The following PPP3R1 variants were observed in gnomAD, a reference collection of about 807,000 sequenced individuals.
The protein encoded by PPP3R1 is calcineurin subunit B type 1.
In PPP3R1, 5 loss-of-function variants were observed where a neutral mutation model predicts 22.6. The observed-to-expected ratio is 0.22, with a 90% CI of 0.12 to 0.46. PPP3R1 has a LOEUF of 0.46. Among genes scored for constraint, PPP3R1 ranks in the 20% least tolerant of loss-of-function variants. PPP3R1 has a pLI of 0.99. For synonymous variants in PPP3R1, 56 were observed against 65.2 expected, an observed-to-expected ratio of 0.86 and a Z score of 0.68; for missense variants, 61 against 203.2, an observed-to-expected ratio of 0.30 and a Z score of 4.25.
chr2:68,205,980 G>A (rs779569624), intron 2 of PPP3R1, among the ~76,000 whole-genome samples: 3 of 151,964 alleles, frequency 2.0e-5, no homozygotes, highest in Non-Finnish European at 2.9e-5. Flanking sequence ...CACCACACTC[G>A]GCTAATTTTG....
intron 2 of PPP3R1, among the ~76,000 whole-genome samples, chr2:68,196,706 G>T (rs1408443616): frequency 2.0e-5 from 3 of 151,900 alleles, no homozygotes; most frequent in African/African-American, 7.3e-5. Flanking sequence ...ACCAACAAAA[G>T]AAGTATCACA....
rs775168479 is a variant in PPP3R1, at chr2:68,180,918, A to G, written c.*45T>C. 31 of 1,550,350 alleles carry G rather than the reference A, an allele frequency of 2.0e-5. No individual in the cohort carries two copies. Among genetic ancestry groups the G allele is most frequent in the South Asian group, 1.1e-5 (1 of 89,338 alleles). On this transcript the variant is annotated 3_prime_UTR_variant, in exon 6 of 6. Coordinates refer to ENST00000234310, the MANE Select transcript of PPP3R1 (RefSeq NM_000945.4). The stretch of plus-strand genomic sequence containing the variant: ...GGACGTCTTGAGCAGATCTTCAGAG[A>G]TGGAGAAGAAAGCAAAAGTGTTGGG...
chr2:68,194,821 T>C (rs1337467207), intron 2 of PPP3R1, among the ~76,000 whole-genome samples: 1 of 152,128 alleles, frequency 6.6e-6, no homozygotes, highest in Non-Finnish European at 1.5e-5. Context: ...AATAATTGTA[T>C]AGTAGAAAAA....
intron 1 of PPP3R1, among the ~76,000 whole-genome samples, chr2:68,244,865 T>C (rs1045916923): frequency 1.3e-5 from 2 of 152,202 alleles, no homozygotes; most frequent in African/African-American, 4.8e-5. Flanking sequence ...ATCTACCATA[T>C]ACCAAGTATC....
rs756977986 is a variant in PPP3R1, at chr2:68,252,115, A to T, written c.3+10T>A. 4 of 1,435,438 alleles carry T rather than the reference A, an allele frequency of 2.8e-6. No individual in the cohort carries two copies. In the South Asian group the frequency reaches 5.3e-5, roughly 19 times the overall value. The allele number at this position is 1,435,438 out of a possible 1,614,324, so 88.9% of individuals were successfully genotyped here. A position where few individuals can be genotyped will look rare whatever the true frequency, so the allele number is the denominator to read the frequency against. ...GGAGGGATGGTGCATCGAGGAAGCCAAGGTCTCACCATTTTGCTCGGCGGG... is the reference window on the plus strand; with the variant it reads ...GGAGGGATGGTGCATCGAGGAAGCCTAGGTCTCACCATTTTGCTCGGCGGG... On this transcript the variant is annotated intron_variant, in intron 1 of 5. Transcript: ENST00000234310.
At chr2:68,210,007 C>A (rs1162317070) in intron 2 of PPP3R1, among the ~76,000 whole-genome samples, 2 of 152,054 alleles carry the variant, frequency 1.3e-5, no homozygotes, top group Non-Finnish European at 2.9e-5. Context: ...ACATAATGAG[C>A]AATGGGGAAA....
intron 2 of PPP3R1, among the ~76,000 whole-genome samples, chr2:68,215,229 T>C (rs1161747074): frequency 6.6e-6 from 1 of 151,932 alleles, no homozygotes; most frequent in Non-Finnish European, 1.5e-5. Context: ...CAAAGCCCCG[T>C]GACACACAGT....
At position 68,178,883 on chromosome 2, in the gene PPP3R1, T is replaced by G. The variant is rs1368981922; in HGVS notation, c.*2080A>C. ...AAGTTTCAAATATTTTATTTTCTTATTCATACAGTATGAAGTTTTCTAAAG... is the reference window on the plus strand; with the variant it reads ...AAGTTTCAAATATTTTATTTTCTTAGTCATACAGTATGAAGTTTTCTAAAG... On this transcript the variant is annotated 3_prime_UTR_variant, in exon 6 of 6. Coordinates refer to ENST00000234310, the MANE Select transcript of PPP3R1 (RefSeq NM_000945.4). The G allele has an allele frequency of 6.6e-6, 1 of 152,264 alleles. No individual in the cohort carries two copies. The highest frequency in any genetic ancestry group is 1.5e-5 in the Non-Finnish European group (1 of 67,994). 9.4% of individuals were successfully genotyped at this position (152,264 alleles called of 1,614,324 possible). A position where few individuals can be genotyped will look rare whatever the true frequency, so the allele number is the denominator to read the frequency against.
chr2:68,249,453 A>G (rs1670296825), intron 1 of PPP3R1, among the ~76,000 whole-genome samples: 1 of 152,218 alleles, frequency 6.6e-6, no homozygotes, highest in South Asian at 2.1e-4. Flanking sequence ...TTAAAAGCAC[A>G]AAGACATGAA....
intron 1 of PPP3R1, among the ~76,000 whole-genome samples, chr2:68,235,662 T>C (rs373802665): frequency 1.3e-5 from 2 of 152,220 alleles, no homozygotes; most frequent in Non-Finnish European, 2.9e-5. Context: ...ATTATGAACA[T>C]TCATGTCCAA....
chr2:68,234,337 C>G (rs539188609), intron 1 of PPP3R1, among the ~76,000 whole-genome samples: 4 of 150,224 alleles, frequency 2.7e-5, no homozygotes, highest in Admixed American at 2.7e-4. Flanking sequence ...AGTGAGACTC[C>G]GTCCAAAAAA....
intron 1 of PPP3R1, among the ~76,000 whole-genome samples, chr2:68,223,216 G>GA (rs1280594921): frequency 6.6e-5 from 10 of 152,136 alleles, no homozygotes; most frequent in African/African-American, 2.4e-4. Context: ...CCAACATGTT[G>GA]AAACCCATCT....
At chr2:68,198,391 ATG>A (rs1189841036) in intron 2 of PPP3R1, among the ~76,000 whole-genome samples, 3 of 123,506 alleles carry the variant, frequency 2.4e-5, no homozygotes, top group Non-Finnish European at 5.0e-5. Context: ...ATGCATATAT[ATG>A]TATATATATG....
At chr2:68,193,783 TCAAAC>T (rs1674714674) in intron 2 of PPP3R1, among the ~76,000 whole-genome samples, 1 of 152,130 alleles carries the variant, frequency 6.6e-6, no homozygotes, top group Non-Finnish European at 1.5e-5. Flanking sequence ...CTAAAGCAGA[TCAAAC>T]CCATCTTGTT....
At chr2:68,209,035 G>A (rs1021908479) in intron 2 of PPP3R1, among the ~76,000 whole-genome samples, 4 of 146,858 alleles carry the variant, frequency 2.7e-5, no homozygotes, top group Non-Finnish European at 4.5e-5. Flanking sequence ...ACTGGTCATA[G>A]GTATCACCAT....
chr2:68,206,258 TAAC>T (rs1391937345), intron 2 of PPP3R1, among the ~76,000 whole-genome samples: 2 of 151,978 alleles, frequency 1.3e-5, no homozygotes, highest in African/African-American at 2.4e-5. Flanking sequence ...AAGAGAAACT[TAAC>T]AAAGTAAGAT....
chr2:68,230,251 C>A (rs770769603), intron 1 of PPP3R1, among the ~76,000 whole-genome samples: 1 of 152,194 alleles, frequency 6.6e-6, no homozygotes, highest in Non-Finnish European at 1.5e-5. Flanking sequence ...CCTCAACCTT[C>A]CAAAGTGCTG....
intron 4 of PPP3R1, among the ~76,000 whole-genome samples, chr2:68,186,972 C>G (rs1674560077): frequency 6.6e-6 from 1 of 152,192 alleles, no homozygotes; most frequent in South Asian, 2.1e-4. Context: ...CCCACTTTCA[C>G]TAAAAAAATC....
In PPP3R1 at chr2:68,180,509, T is replaced by A. The variant is rs1199538132; in HGVS notation, c.*454A>T. 6.5e-6 allele frequency: 1 copy of A among 152,788 alleles called. No individual in the cohort carries two copies. The highest frequency in any genetic ancestry group is 2.1e-4 in the South Asian group (1 of 4,840). 9.5% of individuals were successfully genotyped at this position (152,788 alleles called of 1,614,324 possible). On this transcript the variant is annotated 3_prime_UTR_variant, in exon 6 of 6. Transcript: ENST00000234310. ...TATCTATATATAAAACTGTGTGAAA[T>A]AAAAGTAAGGATGTTTTATGTTCTG...
Sources: gnomAD v4.1 joint callset for allele counts (sites outside exome capture counted in the v4.1 genomes callset) on GRCh38, gnomAD v4.1.1 for gene constraint, MANE v1.5 for transcripts, NCBI Gene and HGNC (gene_info 2026-07-23, HGNC 2026-07-21) for gene names.